HNF4A: variants seen among roughly 807,000 people sequenced by gnomAD.
HNF4A encodes hepatocyte nuclear factor 4-alpha.
In HNF4A, 15 loss-of-function variants were observed where a neutral mutation model predicts 52.4. That is an observed-to-expected ratio of 0.29 (90% CI 0.19 to 0.44). The LOEUF (loss-of-function observed/expected upper bound fraction) is 0.44. Among genes scored for constraint, HNF4A ranks in the 20% least tolerant of loss-of-function variants. The pLI is 1.00. For synonymous variants in HNF4A, 280 were observed against 264.4 expected (o/e 1.06, Z -0.57); for missense variants, 479 against 647.2 (o/e 0.74, Z 2.82).
upstream of HNF4A, among the ~76,000 whole-genome samples, chr20:44,398,397 G>T (rs1402469418): frequency 6.6e-6 from 1 of 152,106 alleles, no homozygotes; most frequent in Non-Finnish European, 1.5e-5. Context: ...ATCATAGCTT[G>T]GTTTAAATAA....
In HNF4A at chr20:44,393,335, C is replaced by T. The variant is rs531667928; in HGVS notation, c.50-12723C>T. On this transcript the variant is annotated intron_variant, in intron 1 of 9. Transcript: ENST00000316673. ...GCGGAGAAGCTCCACCCACACAGAT[C>T]CAAGTCCTCCTGGCTTCCTTCCTGA... Among the ~76,000 whole-genome samples, 134 of 152,366 alleles carry T rather than the reference C, an allele frequency of 8.8e-4. 2 individuals are homozygous for T. Among genetic ancestry groups the T allele is most frequent in the Admixed American group, 3.4e-3 (52 of 15,310 alleles).
chr20:44,385,096 C>T (rs1196070320), intron 1 of HNF4A, among the ~76,000 whole-genome samples: 3 of 42,290 alleles, frequency 7.1e-5, no homozygotes, highest in African/African-American at 1.3e-4. Context: ...TTGCCTATTC[C>T]CTGAAGGGAG....
chr20:44,370,169 A>C (rs2063018606), intron 1 of HNF4A, among the ~76,000 whole-genome samples: 3 of 152,102 alleles, frequency 2.0e-5, no homozygotes. Context: ...CTGGGACTAC[A>C]GGCGCCCGCC....
intron 6 of HNF4A, 92 bp from the exon 7 acceptor site, chr20:44,419,629 A>G: frequency 8.3e-7 from 1 of 1,198,786 alleles, no homozygotes; most frequent in Non-Finnish European, 1.2e-6. Context: ...TCCCACAGGC[A>G]CCAGCTATCT....
At position 44,401,379 on chromosome 20, in the gene HNF4A, C is replaced by T. The variant is rs1423549831; in HGVS notation, c.7C>T (p.Leu3Phe). Residue 3 changes from leucine to phenylalanine, a missense_variant, in exon 1 of 10, where the codon CTC (leucine) becomes TTC (phenylalanine). Physicochemically the swap from Leu to Phe is conservative, Grantham distance 22. Transcript: ENST00000316099. The stretch of plus-strand genomic sequence containing the variant: ...CGGCGTGGAGGCAGGGAGAATGCGA[C>T]TCTCCAAAACCCTCGTCGACATGGA... 6.2e-7 allele frequency: 1 copy of T among 1,614,162 alleles called. No individual in the cohort carries two copies. The highest frequency in any genetic ancestry group is 1.1e-5 in the South Asian group (1 of 91,076).
At chr20:44,409,304 T>C (rs979928876) in intron 3 of HNF4A, among the ~76,000 whole-genome samples, 1 of 152,216 alleles carries the variant, frequency 6.6e-6, no homozygotes, top group Non-Finnish European at 1.5e-5. Context: ...TTCCATTTTG[T>C]GGACTGGGAA....
At chr20:44,397,521 T>C (rs1228006178), upstream of HNF4A, among the ~76,000 whole-genome samples, 1 of 152,228 alleles carries the variant, frequency 6.6e-6, no homozygotes, top group African/African-American at 2.4e-5. Flanking sequence ...AGTAAATGAT[T>C]GTTAACTATA....
intron 1 of HNF4A, among the ~76,000 whole-genome samples, chr20:44,392,974 G>C (rs1029367394): frequency 8.5e-5 from 13 of 152,334 alleles, no homozygotes; most frequent in East Asian, 5.8e-4. Flanking sequence ...CTGCACAACT[G>C]TACAGGGCAG....
chr20:44,428,238 G>A, intron 8 of HNF4A, 97 bp from the exon 9 acceptor site: 1 of 1,237,972 alleles, frequency 8.1e-7, no homozygotes, highest in Non-Finnish European at 1.2e-6. Context: ...AATATTGGAT[G>A]GGCTGGTTGA....
At chr20:44,366,851 T>C (rs183373599) in intron 1 of HNF4A, among the ~76,000 whole-genome samples, 3 of 152,254 alleles carry the variant, frequency 2.0e-5, no homozygotes, top group Admixed American at 1.3e-4. Flanking sequence ...ATAAATAAAG[T>C]ACAGGTAAAA....
chr20:44,387,659 G>GT (rs1277628219), intron 1 of HNF4A, among the ~76,000 whole-genome samples: 16 of 90,576 alleles, frequency 1.8e-4, no homozygotes, highest in African/African-American at 3.0e-4. Context: ...GGCAGGCGGG[G>GT]GGGGGGGGAG....
At chr20:44,408,025 AAGG>A (rs561808789) in intron 3 of HNF4A, 125 of 183,040 alleles carry the variant, frequency 6.8e-4, no homozygotes, top group Admixed American at 1.7e-3. Flanking sequence ...ATCCTGGACA[AAGG>A]AGGAGAAGAC....
chr20:44,403,731 T>C (rs956836084), intron 1 of HNF4A, among the ~76,000 whole-genome samples: 36 of 152,294 alleles, frequency 2.4e-4, no homozygotes, highest in African/African-American at 7.7e-4. Flanking sequence ...CATAAACCCA[T>C]GGCTCTGCTT....
chr20:44,402,917 A>AC lies in HNF4A; in HGVS notation c.115+1431dup, dbSNP rs113513995. Among the ~76,000 whole-genome samples, 1,090 of 152,242 alleles carry AC rather than the reference A, an allele frequency of 7.2e-3. 14 individuals carry two copies. Among genetic ancestry groups the AC allele is most frequent in the East Asian group, 0.035 (181 of 5,164 alleles). ...GCTCACCTGCCCCTGCCGTCCAGTC[A>AC]CGTGTGACCTTGGGCATGTCACCTC... On this transcript the variant is annotated intron_variant, in intron 1 of 9. Transcript: ENST00000316099.
chr20:44,400,324 G>C (rs376102934), upstream of HNF4A, among the ~76,000 whole-genome samples: 19 of 150,854 alleles, frequency 1.3e-4, no homozygotes, highest in South Asian at 3.6e-3. Flanking sequence ...TGGCAAGGGG[G>C]ATACGAAACA....
chr20:44,406,284 GC>G, intron 2 of HNF4A, 52 bp downstream of exon 2: 1 of 1,541,890 alleles, frequency 6.5e-7, no homozygotes, highest in East Asian at 2.3e-5. Context: ...TGGGCTCATG[GC>G]CCCAAGGTCT....
intron 1 of HNF4A, among the ~76,000 whole-genome samples, chr20:44,404,808 AC>A (rs1158468460): frequency 3.6e-3 from 2 of 552 alleles, no homozygotes; most frequent in African/African-American, 5.1e-3. Flanking sequence ...TGGTGTGTGG[AC>A]TGTGTGGTGT....
chr20:44,375,973 A>G (rs1359423650), intron 1 of HNF4A, among the ~76,000 whole-genome samples: 1 of 152,150 alleles, frequency 6.6e-6, no homozygotes, highest in Non-Finnish European at 1.5e-5. Flanking sequence ...AGGGCCGGGC[A>G]TGGTGGCTCA....
chr20:44,358,471 A>G (rs1248124278), intron 1 of HNF4A, among the ~76,000 whole-genome samples: 4 of 151,966 alleles, frequency 2.6e-5, no homozygotes, highest in African/African-American at 9.7e-5. Flanking sequence ...CTAGCCGGGT[A>G]TGATGGCACA....
Sources: allele counts gnomAD v4.1 joint callset (sites outside exome capture counted in the v4.1 genomes callset), GRCh38; gene constraint gnomAD v4.1.1; transcripts MANE v1.5; gene names NCBI Gene and HGNC (gene_info 2026-07-23, HGNC 2026-07-21).